LRWD1: variants seen among roughly 807,000 people sequenced by gnomAD.
LRWD1 encodes the protein leucine rich repeats and WD repeat domain containing 1.
LRWD1 carries 76 observed loss-of-function variants against 75.6 expected under a neutral mutation model. The observed-to-expected ratio is 1.01, with a 90% CI of 0.84 to 1.22. The LOEUF is 1.22. Among genes scored for constraint, LRWD1 ranks in the 50% most tolerant of loss-of-function variants. LRWD1 has a pLI of 0.00. For synonymous variants in LRWD1, 487 were observed against 377.0 expected (o/e 1.29, Z -3.38); for missense variants, 917 against 862.0 (o/e 1.06, Z -0.80).
At chr7:102,472,125 G>C in intron 11 of LRWD1, 93 bp from the exon 12 acceptor site, 1 of 1,144,892 alleles carries the variant, frequency 8.7e-7, no homozygotes, top group Non-Finnish European at 1.3e-6. Context: ...ACACAGGGCA[G>C]GGTCCCCAGC....
At position 102,473,030 on chromosome 7, in the gene LRWD1, C is replaced by A; in HGVS notation, c.1925C>A (p.Ala642Asp). ...LTALTDSNIV[A>D]IWGRM ...GCCCTGACGGACTCCAACATCGTAG[C>A]CATCTGGGGGAGGATGTAGCCTCAC... Residue 642 changes from alanine to aspartate, a missense_variant, in exon 15 of 15, where the codon GCC (alanine) becomes GAC (aspartate). Ala to Asp is a moderately radical substitution (Grantham distance 126). Coordinates refer to ENST00000292616, the MANE Select transcript of LRWD1 (RefSeq NM_152892.3). 1 of 1,613,666 alleles carries A rather than the reference C, an allele frequency of 6.2e-7. No homozygotes were observed. The highest frequency in any genetic ancestry group is 1.1e-5 in the South Asian group (1 of 91,026).
At chr7:102,472,420 G>A in intron 12 of LRWD1, 34 bp from the exon 13 acceptor site, 2 of 1,544,934 alleles carry the variant, frequency 1.3e-6, no homozygotes, top group Non-Finnish European at 1.7e-6. Context: ...TCTGGGAGGG[G>A]CCACCCTGCA....
chr7:102,470,861 T>G (rs4501507), intron 11 of LRWD1: 148,548 of 152,366 alleles, frequency 0.97, 72,513 homozygotes, highest in East Asian at 1. Flanking sequence ...TGCCGCCAGG[T>G]TCCAAGTGAT....
At position 102,465,973 on chromosome 7, in the gene LRWD1, C is replaced by T. The variant is rs1042673386; in HGVS notation, c.237C>T (p.Asn79=). 6.2e-7 allele frequency: 1 copy of T among 1,613,990 alleles called. No homozygotes were observed. Among genetic ancestry groups the T allele is most frequent in the Non-Finnish European group, 8.5e-7 (1 of 1,180,026 alleles). The part of the protein sequence containing the change: ...SHLRVLRCAN[N]QLGDVTALCQ... The stretch of plus-strand genomic sequence containing the variant: ...TGCGTGTCCTCCGCTGCGCCAACAA[C>T]CAGCTGGGGGATGTTACTGCCTTGT... The change falls in exon 2 of 15, where the codon AAC becomes AAT. Residue 79 remains asparagine (N), a synonymous_variant. Transcript: ENST00000292616.
At chr7:102,465,252 G>C (rs1458998984) in intron 1 of LRWD1, 92 bp downstream of exon 1, 1 of 1,215,620 alleles carries the variant, frequency 8.2e-7, no homozygotes, top group African/African-American at 1.6e-5. Flanking sequence ...GCTTGTCCCC[G>C]TTATCGCCCT....
Position 102,469,792 on chromosome 7 carries a change from TCGCCTCCTGCCCGGACGCC to T in LRWD1, c.1358_1376del (p.Ser453CysfsTer48), listed in dbSNP as rs1396929422. The T allele has an allele frequency of 1.9e-6, 3 of 1,609,334 alleles. No individual in the cohort carries two copies. The African/African-American group carries it at 4.0e-5, about 22-fold the overall frequency. On this transcript the variant is annotated frameshift_variant, in exon 11 of 15. Coordinates refer to ENST00000292616, the MANE Select transcript of LRWD1 (RefSeq NM_152892.3). LOFTEE classifies it high-confidence loss of function. Reference sequence around the variant, plus strand: ...TCTATCCCCCTGCGCCTCTGCCCTGTCGCCTCCTGCCCGGACGCCCGCCTGCTGGCCGGCTGCGAGGGCG... The same window carrying T: ...TCTATCCCCCTGCGCCTCTGCCCTGTCGCCTGCTGGCCGGCTGCGAGGGCG...
chr7:102,468,021 C>T (rs767485494), intron 5 of LRWD1, 41 bp from the exon 6 acceptor site: 13 of 1,593,034 alleles, frequency 8.2e-6, no homozygotes, highest in Non-Finnish European at 1.1e-5. Context: ...GGAAGGAAGC[C>T]CCAGGCAGAC....
In LRWD1 at chr7:102,472,223, G is replaced by A. The variant is rs747185253; in HGVS notation, c.1448G>A (p.Cys483Tyr). The change falls in exon 12 of 15, where the codon TGT becomes TAT. Residue 483 changes from cysteine (C) to tyrosine (Y), a missense_variant. Transcript: ENST00000292616. ...CATCTCGTGCTGCCCCACAGGGTGT[G>A]TGAAGTGGAATTCGTCTTCTCTGAG... ...RLDQPQKRRV[C>Y]EVEFVFSEGS... 3.8e-6 allele frequency: 6 copies of A among 1,591,396 alleles called. 1 individual carries two copies. In the South Asian group the frequency reaches 4.6e-5, roughly 12 times the overall value.
Position 102,465,073 on chromosome 7 carries a change from T to A in LRWD1, c.-8T>A. On this transcript the variant is annotated 5_prime_UTR_variant, in exon 1 of 15. Coordinates refer to ENST00000292616, the MANE Select transcript of LRWD1 (RefSeq NM_152892.3). ...CGACTGGGTCAGCGCGGGCTGCGCC[T>A]CCTCGCCATGGGCCCCCTCTCGGCG... 3 of 1,482,986 alleles carry A rather than the reference T, an allele frequency of 2.0e-6. No individual in the cohort carries two copies. Among genetic ancestry groups the A allele is most frequent in the Non-Finnish European group, 2.7e-6 (3 of 1,118,364 alleles). 91.9% of individuals were successfully genotyped at this position (1,482,986 alleles called of 1,614,324 possible).
At chr7:102,467,174 G>GTGTGTGTATGTC (rs760656169) in intron 3 of LRWD1, among the ~76,000 whole-genome samples, 165 bp from the exon 4 acceptor site, 3 of 80,076 alleles carry the variant, frequency 3.7e-5, no homozygotes, top group Non-Finnish European at 7.9e-5. Context: ...TGTGTGGGGT[G>GTGTGTGTATGTC]TGTGTGTGTG....
At position 102,468,144 on chromosome 7, in the gene LRWD1, C is replaced by T. The variant is rs749648883; in HGVS notation, c.761C>T (p.Ala254Val). The change falls in exon 6 of 15, where the codon GCC becomes GTC. Residue 254 changes from alanine to valine, a missense_variant. Ala to Val is a moderately conservative substitution (Grantham distance 64). Coordinates refer to ENST00000292616, the MANE Select transcript of LRWD1 (RefSeq NM_152892.3). ...PSKRACASPS[A>V]QVEGSPVAGS... ...AAGCGGGCGTGTGCCTCCCCGTCGG[C>T]CCAGGTGGAGGGCAGCCCTGTGGCA... 9 of 1,607,264 alleles carry T rather than the reference C, an allele frequency of 5.6e-6. No homozygotes were observed. The Admixed American group carries it at 1.5e-4, about 27-fold the overall frequency.
intron 10 of LRWD1, 40 bp downstream of exon 10, chr7:102,469,686 G>C: frequency 1.2e-6 from 2 of 1,613,958 alleles, no homozygotes; most frequent in South Asian, 2.2e-5. Flanking sequence ...CCAGCTGCTG[G>C]GGCAGGGACA....
At position 102,472,723 on chromosome 7, in the gene LRWD1, G is replaced by T; in HGVS notation, c.1722G>T (p.Glu574Asp). 6.2e-7 allele frequency: 1 copy of T among 1,613,572 alleles called. No homozygotes were observed. The highest frequency in any genetic ancestry group is 8.5e-7 in the Non-Finnish European group (1 of 1,179,940). The change falls in exon 14 of 15, where the codon GAG (glutamate) becomes GAT (aspartate). Residue 574 changes from glutamate (E) to aspartate (D), a missense_variant. Glu to Asp is a conservative substitution (Grantham distance 45, BLOSUM62 2). Coordinates refer to ENST00000292616, the MANE Select transcript of LRWD1 (RefSeq NM_152892.3). ...GGATTGTGCTCTGTGGGGATGAGGA[G>T]GGCAACGTGTGGCTCTACGACGTCA... Reference protein sequence around the residue: ...DKGIVLCGDEEGNVWLYDVSN... With the variant: ...DKGIVLCGDEDGNVWLYDVSN...
Position 102,465,158 on chromosome 7 carries a change from G to A in LRWD1, c.78G>A (p.Leu26=), listed in dbSNP as rs757494335. Residue 26 remains leucine (L), a splice_region_variant and synonymous_variant, in exon 1 of 15, where the codon CTG becomes CTA. Coordinates refer to ENST00000292616, the MANE Select transcript of LRWD1 (RefSeq NM_152892.3). The part of the protein sequence containing the change: ...KSDRLGKIRS[L]DLSGLELLSE... ...ACCGGCTGGGGAAGATCCGGAGTCT[G>A]GAGTAAGAGCCGGGCAGCGGGTGAG... 3 of 1,506,154 alleles carry A rather than the reference G, an allele frequency of 2.0e-6. No individual in the cohort carries two copies. The highest frequency in any genetic ancestry group is 2.8e-5 in the East Asian group (1 of 35,722). 93.3% of individuals were successfully genotyped at this position (1,506,154 alleles called of 1,614,324 possible).
intron 11 of LRWD1, chr7:102,470,127 C>T: frequency 2.0e-6 from 1 of 505,936 alleles, no homozygotes; most frequent in South Asian, 3.4e-5. Flanking sequence ...CCTGGGGCTT[C>T]AGCACCATGC....
chr7:102,472,475 G>A lies in LRWD1; in HGVS notation c.1556G>A (p.Gly519Asp). ...ACAGCCTCCAAGGGGAGCGGCCTGGGCACCATCTGCCTGTGGAGCTGGAGG... is the reference window on the plus strand; with the variant it reads ...ACAGCCTCCAAGGGGAGCGGCCTGGACACCATCTGCCTGTGGAGCTGGAGG... ...DIVASKGSGL[G>D]TICLWSWRQT... is the part of the protein sequence containing the mutation. The change falls in exon 13 of 15, where the codon GGC becomes GAC. Residue 519 changes from glycine (G) to aspartate (D), a missense_variant. Coordinates refer to ENST00000292616, the MANE Select transcript of LRWD1 (RefSeq NM_152892.3). 1 of 1,538,704 alleles carries A rather than the reference G, an allele frequency of 6.5e-7. No individual in the cohort carries two copies. Among genetic ancestry groups the A allele is most frequent in the Non-Finnish European group, 8.8e-7 (1 of 1,140,574 alleles).
At chr7:102,467,522 A>G in intron 4 of LRWD1, 43 bp downstream of exon 4, 8 of 1,604,324 alleles carry the variant, frequency 5.0e-6, no homozygotes, top group Non-Finnish European at 6.0e-6. Flanking sequence ...TGGCTCTCGT[A>G]TCTCTAGCTG....
chr7:102,470,071 A>C, intron 11 of LRWD1, 189 bp downstream of exon 11: 1 of 708,364 alleles, frequency 1.4e-6, no homozygotes, highest in South Asian at 2.4e-5. Context: ...CCCTGCTCTC[A>C]CCCTGGGTTC....
chr7:102,465,259 C>T, intron 1 of LRWD1, 99 bp downstream of exon 1: 1 of 1,185,708 alleles, frequency 8.4e-7, no homozygotes. Flanking sequence ...CCCGTTATCG[C>T]CCTCTGGGTT....
Sources: gnomAD v4.1 joint callset for allele counts (sites outside exome capture counted in the v4.1 genomes callset) on GRCh38, gnomAD v4.1.1 for gene constraint, MANE v1.5 for transcripts, NCBI Gene and HGNC (gene_info 2026-07-23, HGNC 2026-07-21) for gene names.